Variants in SH2D7 observed in about 807,000 individuals in gnomAD.
The protein encoded by SH2D7 is SH2 domain-containing protein 7.
A neutral mutation model predicts 40.8 loss-of-function variants in SH2D7; 32 were observed. The observed-to-expected ratio is 0.78, with a 90% CI of 0.59 to 1.05. The LOEUF (loss-of-function observed/expected upper bound fraction) is 1.05. Among genes scored for constraint, SH2D7 ranks in the 50% least tolerant of loss-of-function variants. The pLI is 0.00. For missense variants in SH2D7, 559 were observed against 566.6 expected (o/e 0.99, Z 0.14); for synonymous variants, 195 against 221.5 (o/e 0.88, Z 1.06).
upstream of SH2D7, chr15:78,091,228 A>T (rs974033734): frequency 2.0e-5 from 3 of 152,216 alleles, no homozygotes; most frequent in Admixed American, 6.5e-5. Context: ...AGAGATAGTT[A>T]TATATCAAGG....
chr15:78,093,228 C>A (rs1247278111), intron 1 of SH2D7, among the ~76,000 whole-genome samples: 1 of 152,198 alleles, frequency 6.6e-6, no homozygotes, highest in Non-Finnish European at 1.5e-5. Flanking sequence ...AGCCAAAACA[C>A]CTGATGAAGG....
intron 1 of SH2D7, among the ~76,000 whole-genome samples, chr15:78,093,382 A>G (rs1386465791): frequency 2.6e-5 from 4 of 152,080 alleles, no homozygotes; most frequent in Admixed American, 6.5e-5. Flanking sequence ...CTGTCTGGAA[A>G]CTCTAAATCG....
chr15:78,094,875 G>A (rs1291463062), intron 2 of SH2D7, among the ~76,000 whole-genome samples: 1 of 152,186 alleles, frequency 6.6e-6, no homozygotes, highest in East Asian at 1.9e-4. Flanking sequence ...TGGGGATAGA[G>A]AGAAGGAGAC....
At position 78,101,263 on chromosome 15, in the gene SH2D7, A is replaced by T. The variant is rs1355069013; in HGVS notation, c.1010A>T (p.Gln337Leu). The T allele has an allele frequency of 1.2e-6, 2 of 1,609,372 alleles. No individual in the cohort carries two copies. Among genetic ancestry groups the T allele is most frequent in the African/African-American group, 2.7e-5 (2 of 74,612 alleles). ...AGGCAGGAGTTTCCAAAGCTGAGCCAAGAGGCTCAGCCCTGCTCCCAGGGC... is the reference window on the plus strand; with the variant it reads ...AGGCAGGAGTTTCCAAAGCTGAGCCTAGAGGCTCAGCCCTGCTCCCAGGGC... ...TWRQEFPKLS[Q>L]EAQPCSQGSS... Residue 337 changes from glutamine to leucine, a missense_variant, in exon 5 of 6, where the codon CAA becomes CTA. Gln to Leu is a moderately radical substitution (Grantham distance 113). Coordinates refer to ENST00000328828, the MANE Select transcript of SH2D7 (RefSeq NM_001101404.2).
At position 78,101,003 on chromosome 15, in the gene SH2D7, C is replaced by T; in HGVS notation, c.750C>T (p.Asn250=). 1.2e-6 allele frequency: 2 copies of T among 1,613,864 alleles called. No individual in the cohort carries two copies. Among genetic ancestry groups the T allele is most frequent in the Non-Finnish European group, 1.7e-6 (2 of 1,179,824 alleles). ...DIIYADLRRM[N]QARLGLGTEG... ...TCTATGCAGACCTGAGGAGGATGAA[C>T]CAGGCACGGCTAGGCTTGGGCACAG... is the stretch of plus-strand genomic sequence containing the variant. Residue 250 remains asparagine (N), a synonymous_variant, in exon 5 of 6, where the codon AAC becomes AAT. Transcript: ENST00000328828.
chr15:78,096,125 G>A (rs1044700636), intron 2 of SH2D7, among the ~76,000 whole-genome samples: 1 of 152,092 alleles, frequency 6.6e-6, no homozygotes, highest in Non-Finnish European at 1.5e-5. Context: ...TTACAGGCGT[G>A]AGCCACTGCA....
intron 2 of SH2D7, 113 bp downstream of exon 2, chr15:78,094,314 T>A: frequency 1.1e-6 from 1 of 901,716 alleles, no homozygotes; most frequent in South Asian, 1.6e-5. Flanking sequence ...GGGTCCTGAC[T>A]CCTGAATCCC....
chr15:78,091,605 A>C (rs2073941322), upstream of SH2D7, among the ~76,000 whole-genome samples: 1 of 152,132 alleles, frequency 6.6e-6, no homozygotes, highest in Non-Finnish European at 1.5e-5. Flanking sequence ...GGAAACTCAG[A>C]AACACATTAG....
At chr15:78,098,213 T>C in intron 3 of SH2D7, 119 bp downstream of exon 3, 2 of 1,424,474 alleles carry the variant, frequency 1.4e-6, no homozygotes, top group Non-Finnish European at 9.4e-7. Context: ...CCAGGGGCAC[T>C]TGGTGTGGGG....
chr15:78,103,656 A>C lies in SH2D7; in HGVS notation c.*141A>C, dbSNP rs1192537928. On this transcript the variant is annotated 3_prime_UTR_variant, in exon 6 of 6. Transcript: ENST00000328828. ...GCCTGCTACAGAACTAGGCTCCGAG[A>C]CAGCCGAGGTGCCTGCCTGAGAGCA... is the stretch of plus-strand genomic sequence containing the variant. The C allele has an allele frequency of 9.5e-7, 1 of 1,056,752 alleles. No homozygotes were observed. Among genetic ancestry groups the C allele is most frequent in the Non-Finnish European group, 1.4e-6 (1 of 738,940 alleles). The allele number at this position is 1,056,752 out of a possible 1,614,324, so 65.5% of individuals were successfully genotyped here. A position where few individuals can be genotyped will look rare whatever the true frequency, so the allele number is the denominator to read the frequency against.
At chr15:78,100,333 G>A (rs903624944) in intron 4 of SH2D7, among the ~76,000 whole-genome samples, 1 of 152,226 alleles carries the variant, frequency 6.6e-6, no homozygotes, top group South Asian at 2.1e-4. Context: ...CACAATGGAG[G>A]TGGGAGGAGC....
At chr15:78,103,403 G>C in intron 5 of SH2D7, 62 bp from the exon 6 acceptor site, 1 of 1,543,872 alleles carries the variant, frequency 6.5e-7, no homozygotes, top group Non-Finnish European at 8.8e-7. Context: ...GGTCCTCGGA[G>C]CCTGGGTCTT....
At chr15:78,091,387 T>C (rs1026737521), upstream of SH2D7, 3 of 152,124 alleles carry the variant, frequency 2.0e-5, no homozygotes, top group Non-Finnish European at 4.4e-5. Flanking sequence ...GTCTAGAAAA[T>C]AGCTTTGCCT....
chr15:78,098,442 AC>A lies in SH2D7; in HGVS notation c.494del (p.Pro165GlnfsTer39). On this transcript the variant is annotated frameshift_variant, in exon 4 of 6. Transcript: ENST00000328828. LOFTEE classifies it high-confidence loss of function. The stretch of plus-strand genomic sequence containing the variant: ...CGGGGCCTCCACCAGACCATCGTGG[AC>A]CCAGAAAACCCACCTGCCACGGCAT... ...ITRGLHQTIV[D>X]PENPPATAFL... 6.2e-7 allele frequency: 1 copy of A among 1,613,896 alleles called. No individual in the cohort carries two copies. Among genetic ancestry groups the A allele is most frequent in the Non-Finnish European group, 8.5e-7 (1 of 1,179,872 alleles).
rs373447372 is a variant in SH2D7 at position 78,101,348 on chromosome 15, C to G, written c.1095C>G (p.Asp365Glu). The change falls in exon 5 of 6, where the codon GAC becomes GAG. Residue 365 changes from aspartate (D) to glutamate (E), a missense_variant. Physicochemically the swap from Asp to Glu is conservative, Grantham distance 45 (BLOSUM62 2). Transcript: ENST00000328828. ...GTEGLLQEAR[D>E]TPDQEGSTYE... ...AAGGCCTCCTGCAAGAGGCCAGGGA[C>G]ACACCAGACCAAGAAGGCAGCACCT... The G allele has an allele frequency of 1.1e-5, 18 of 1,613,352 alleles. No individual in the cohort carries two copies. The highest frequency in any genetic ancestry group is 1.4e-5 in the Non-Finnish European group (17 of 1,179,738).
At chr15:78,095,281 CCAGA>C (rs1293730635) in intron 2 of SH2D7, among the ~76,000 whole-genome samples, 1 of 152,168 alleles carries the variant, frequency 6.6e-6, no homozygotes, top group Non-Finnish European at 1.5e-5. Flanking sequence ...ATTCTGTGTG[CCAGA>C]CACTGTGCTA....
intron 1 of SH2D7, among the ~76,000 whole-genome samples, chr15:78,093,755 G>A (rs1280665454): frequency 6.6e-6 from 1 of 152,262 alleles, no homozygotes; most frequent in Non-Finnish European, 1.5e-5. Context: ...AACATCTCCA[G>A]CTGTGTGGAT....
intron 5 of SH2D7, among the ~76,000 whole-genome samples, 171 bp downstream of exon 5, chr15:78,101,729 G>A (rs1260377411): frequency 2.0e-5 from 3 of 152,166 alleles, no homozygotes. Context: ...TGGTGGTGGT[G>A]GGAGAGGCAG....
chr15:78,095,691 G>A (rs2141870315), intron 2 of SH2D7, among the ~76,000 whole-genome samples: 1 of 152,168 alleles, frequency 6.6e-6, no homozygotes, highest in East Asian at 1.9e-4. Context: ...ACCATTTCTA[G>A]AAGAAAACAG....
Sources: gnomAD v4.1 joint callset for allele counts (sites outside exome capture counted in the v4.1 genomes callset) on GRCh38, gnomAD v4.1.1 for gene constraint, MANE v1.5 for transcripts, NCBI Gene and HGNC (gene_info 2026-07-23, HGNC 2026-07-21) for gene names.